SEPTIN9: variants seen among roughly 807,000 people sequenced by gnomAD.
SEPTIN9 encodes the protein septin 9, also known as septin-9.
SEPTIN9 carries 13 observed loss-of-function variants against 56.6 expected under a neutral mutation model. The observed-to-expected ratio is 0.23, with a 90% CI of 0.15 to 0.37. The LOEUF is 0.37. Ranked by LOEUF, SEPTIN9 falls within the 10% of genes least tolerant of loss-of-function variation. The pLI, the probability that SEPTIN9 is intolerant of heterozygous loss-of-function variation, is 1.00. For synonymous variants in SEPTIN9, 332 were observed against 334.1 expected (o/e 0.99, Z 0.07); for missense variants, 650 against 823.1 (o/e 0.79, Z 2.57).
At chr17:77,494,437 C>T (rs1180737444) in intron 10 of SEPTIN9, among the ~76,000 whole-genome samples, 1 of 152,224 alleles carries the variant, frequency 6.6e-6, no homozygotes, top group Non-Finnish European at 1.5e-5. Context: ...GGCTGAAAGG[C>T]CCAGTAGAGC....
At chr17:77,356,418 G>A (rs1422288080) in intron 2 of SEPTIN9, among the ~76,000 whole-genome samples, 1 of 151,808 alleles carries the variant, frequency 6.6e-6, no homozygotes, top group African/African-American at 2.4e-5. Context: ...AACTCCCAGT[G>A]GCTCCGTGAA....
At chr17:77,484,958 G>GTGA (rs1171205591) in intron 4 of SEPTIN9, among the ~76,000 whole-genome samples, 1 of 68,486 alleles carries the variant, frequency 1.5e-5, no homozygotes, top group Non-Finnish European at 3.0e-5. Flanking sequence ...GCTGGTGATT[G>GTGA]TGGTGGTGAA....
At chr17:77,428,635 G>T (rs2037004978) in intron 3 of SEPTIN9, among the ~76,000 whole-genome samples, 1 of 152,228 alleles carries the variant, frequency 6.6e-6, no homozygotes, top group South Asian at 2.1e-4. Context: ...AGTCCAGAGA[G>T]GTTAGGGCAC....
chr17:77,342,946 G>A (rs2033778588), intron 2 of SEPTIN9, among the ~76,000 whole-genome samples: 1 of 152,088 alleles, frequency 6.6e-6, no homozygotes. Context: ...CTGCACTCCA[G>A]CCTGGATGAC....
At chr17:77,338,865 G>A (rs2033640883) in intron 2 of SEPTIN9, among the ~76,000 whole-genome samples, 2 of 152,342 alleles carry the variant, frequency 1.3e-5, no homozygotes, top group South Asian at 2.1e-4. Context: ...CCTGGCCACG[G>A]ATTGATCAAA....
At chr17:77,316,006 G>A (rs902711244) in intron 2 of SEPTIN9, among the ~76,000 whole-genome samples, 3 of 152,230 alleles carry the variant, frequency 2.0e-5, no homozygotes, top group African/African-American at 4.8e-5. Flanking sequence ...GCCTTCCTGG[G>A]ACAGCAACCT....
intron 2 of SEPTIN9, among the ~76,000 whole-genome samples, chr17:77,363,747 C>T (rs1401434929): frequency 6.6e-6 from 1 of 152,140 alleles, no homozygotes; most frequent in African/African-American, 2.4e-5. Context: ...ACCCTTTTGG[C>T]TCCCTGCTTT....
chr17:77,321,658 G>A (rs940657446), intron 2 of SEPTIN9, among the ~76,000 whole-genome samples: 47 of 152,272 alleles, frequency 3.1e-4, no homozygotes, highest in Middle Eastern at 3.4e-3. Flanking sequence ...AAAGTGCTGG[G>A]ATTACAGGCG....
chr17:77,426,603 C>T (rs75305374), intron 3 of SEPTIN9, among the ~76,000 whole-genome samples: 3,123 of 152,278 alleles, frequency 0.021, 54 homozygotes, highest in Non-Finnish European at 0.033. Flanking sequence ...AGAATATTCA[C>T]TTGTTCCCTC....
At chr17:77,455,460 A>G (rs903726447) in intron 3 of SEPTIN9, among the ~76,000 whole-genome samples, 1 of 152,230 alleles carries the variant, frequency 6.6e-6, no homozygotes, top group Non-Finnish European at 1.5e-5. Context: ...CTGAATGGTC[A>G]CTGAACAGTC....
chr17:77,373,355 G>C lies in SEPTIN9; in HGVS notation c.77-28704G>C, dbSNP rs568226661. 6.4e-4 allele frequency: 756 copies of C among 1,190,200 alleles called. 5 individuals carry two copies. In the African/African-American group the frequency reaches 0.011, roughly 17 times the overall value. The allele number at this position is 1,190,200 out of a possible 1,614,324, so 73.7% of individuals were successfully genotyped here. On this transcript the variant is annotated intron_variant, in intron 2 of 11. Transcript: ENST00000427177. ...CTCCCCCATTCATTCAGCTGAGCCA[G>C]GGGGCCTAGGGGCTCCTCCGGCGGC...
intron 2 of SEPTIN9, among the ~76,000 whole-genome samples, chr17:77,388,710 C>A (rs764891702): frequency 6.6e-6 from 1 of 150,766 alleles, no homozygotes; most frequent in Middle Eastern, 3.4e-3. Context: ...CATATTGGCT[C>A]GGGCAGAGGC....
intron 3 of SEPTIN9, among the ~76,000 whole-genome samples, chr17:77,465,653 G>A (rs1329109002): frequency 6.6e-6 from 1 of 152,192 alleles, no homozygotes; most frequent in Non-Finnish European, 1.5e-5. Context: ...GAGTGACCCC[G>A]GGGGCCTGCA....
At chr17:77,478,016 G>A (rs2039296542) in intron 3 of SEPTIN9, among the ~76,000 whole-genome samples, 2 of 152,010 alleles carry the variant, frequency 1.3e-5, no homozygotes, top group African/African-American at 4.8e-5. Context: ...GGTCTTTGGG[G>A]GGGGTCACAG....
intron 2 of SEPTIN9, among the ~76,000 whole-genome samples, chr17:77,397,311 T>C (rs1289944268): frequency 1.3e-5 from 2 of 152,150 alleles, no homozygotes; most frequent in Non-Finnish European, 2.9e-5. Flanking sequence ...TCTGCTCTCA[T>C]CACGTAGCCC....
chr17:77,445,623 C>T lies in SEPTIN9; in HGVS notation c.722-36521C>T, dbSNP rs939873390. The stretch of plus-strand genomic sequence containing the variant: ...GCTGTGTTGCTGTGTGTTTCAGCAG[C>T]ACGTGGGTGTCACCACACTTCCTAG... On this transcript the variant is annotated intron_variant, in intron 3 of 11. Transcript: ENST00000427177. This position sits in a 1 kb window ranked among gnomAD's most constrained non-coding sequence, Gnocchi z 4.7. The T allele has an allele frequency of 3.3e-5, 12 of 363,404 alleles. 1 individual carries two copies. The highest frequency in any genetic ancestry group is 1.2e-3 in the Middle Eastern group (2 of 1,644). 22.5% of individuals were successfully genotyped at this position (363,404 alleles called of 1,614,324 possible).
chr17:77,487,385 C>A lies in SEPTIN9; in HGVS notation c.914-39C>A. The A allele has an allele frequency of 6.4e-7, 1 of 1,569,020 alleles. No individual in the cohort carries two copies. Among genetic ancestry groups the A allele is most frequent in the Non-Finnish European group, 8.6e-7 (1 of 1,158,248 alleles). On this transcript the variant is annotated intron_variant, in intron 4 of 11. Coordinates refer to ENST00000427177, the MANE Select transcript of SEPTIN9 (RefSeq NM_001113491.2). This position sits in a 1 kb window ranked among gnomAD's most constrained non-coding sequence, Gnocchi z 4.3. ...CCATGTGCAGACCCTGCTGGTCTCTCCGGAGAGACCCCTGACCGGCCTCCC... is the reference window on the plus strand; with the variant it reads ...CCATGTGCAGACCCTGCTGGTCTCTACGGAGAGACCCCTGACCGGCCTCCC...
At position 77,317,462 on chromosome 17, in the gene SEPTIN9, T is replaced by C. The variant is rs1172299945; in HGVS notation, c.76+10265T>C. Among the ~76,000 whole-genome samples, 2 of 152,202 alleles carry C rather than the reference T, an allele frequency of 1.3e-5. No homozygotes were observed. Among genetic ancestry groups the C allele is most frequent in the Non-Finnish European group, 2.9e-5 (2 of 68,036 alleles). On this transcript the variant is annotated intron_variant, in intron 2 of 11. Coordinates refer to ENST00000427177, the MANE Select transcript of SEPTIN9 (RefSeq NM_001113491.2). The surrounding 1 kb of genome is among the most constrained non-coding windows in gnomAD (Gnocchi z 4.2). ...GATCAGCCATGGCATTGGATTCTTA[T>C]AGGAGAGTGAACCGTATTGTGAACG...
intron 2 of SEPTIN9, among the ~76,000 whole-genome samples, chr17:77,356,038 G>A (rs902696108): frequency 2.0e-5 from 3 of 151,240 alleles, no homozygotes; most frequent in African/African-American, 7.3e-5. Context: ...GAGGTTCTGA[G>A]TTTCCATCCT....
Sources: gnomAD v4.1 joint callset for allele counts (sites outside exome capture counted in the v4.1 genomes callset) on GRCh38, gnomAD v4.1.1 for gene constraint, Gnocchi (gnomAD v3.1) non-coding constraint, MANE v1.5 for transcripts, NCBI Gene and HGNC (gene_info 2026-07-23, HGNC 2026-07-21) for gene names.